Variants in COTL1 observed in about 807,000 individuals in gnomAD.
The protein encoded by COTL1 is coactosin-like protein.
COTL1 carries 15 observed loss-of-function variants against 16.5 expected under a neutral mutation model. The observed-to-expected ratio is 0.91, with a 90% CI of 0.61 to 1.40. COTL1 has a LOEUF of 1.40. COTL1 is among the 40% of genes most tolerant of loss of function. The pLI, the probability that COTL1 is intolerant of heterozygous loss-of-function variation, is 0.00. For missense variants in COTL1, 220 were observed against 201.5 expected, an observed-to-expected ratio of 1.09 and a Z score of -0.56; for synonymous variants, 112 against 85.3, an observed-to-expected ratio of 1.31 and a Z score of -1.73.
At chr16:84,577,392 G>A (rs929666598) in intron 3 of COTL1, among the ~76,000 whole-genome samples, 2 of 152,130 alleles carry the variant, frequency 1.3e-5, no homozygotes, top group Non-Finnish European at 2.9e-5. Flanking sequence ...CTACAGGCAT[G>A]CGCCATCACA....
At chr16:84,570,603 C>A (rs1435344819) in intron 3 of COTL1, among the ~76,000 whole-genome samples, 1 of 152,092 alleles carries the variant, frequency 6.6e-6, no homozygotes, top group African/African-American at 2.4e-5. Flanking sequence ...ACCATATGAT[C>A]TCTGAAAACA....
At chr16:84,599,569 T>C (rs1299073858) in intron 2 of COTL1, among the ~76,000 whole-genome samples, 1 of 152,134 alleles carries the variant, frequency 6.6e-6, no homozygotes, top group Non-Finnish European at 1.5e-5. Flanking sequence ...TTATACGTTA[T>C]CTGTGGGCCA....
chr16:84,593,709 C>T (rs1432181571), intron 2 of COTL1, among the ~76,000 whole-genome samples: 3 of 152,138 alleles, frequency 2.0e-5, no homozygotes, highest in Non-Finnish European at 2.9e-5. Context: ...GACGGGGTTT[C>T]ACCGTGGTCT....
rs899176936 is a variant in COTL1 at position 84,590,846 on chromosome 16, G to C, written c.161-584C>G. ...CACTGTAGAGAGACAGGAGGGGCAA[G>C]GGGGGTGCTGGGTATGAAGAGGAAA... On this transcript the variant is annotated intron_variant, in intron 2 of 3. Transcript: ENST00000262428. This position sits in a 1 kb window ranked among gnomAD's most constrained non-coding sequence, Gnocchi z 5.5. 6.6e-6 allele frequency among the ~76,000 whole-genome samples: 1 copy of C among 151,664 alleles called. No individual in the cohort carries two copies.
At chr16:84,594,434 G>A (rs1904947262) in intron 2 of COTL1, 1 of 152,382 alleles carries the variant, frequency 6.6e-6, no homozygotes, top group Non-Finnish European at 1.5e-5. Context: ...GACTTGGAGT[G>A]TGGGGGAGCA....
At chr16:84,592,947 C>G (rs1048682805) in intron 2 of COTL1, among the ~76,000 whole-genome samples, 3 of 152,200 alleles carry the variant, frequency 2.0e-5, no homozygotes, top group African/African-American at 7.2e-5. Context: ...GGAAACTGAT[C>G]GTCATCACCA....
At chr16:84,604,396 T>G (rs547639619) in intron 2 of COTL1, among the ~76,000 whole-genome samples, 13 of 148,796 alleles carry the variant, frequency 8.7e-5, no homozygotes, top group Non-Finnish European at 1.0e-4. Context: ...CCTCCTTTTT[T>G]CTTTATGCTT....
intron 3 of COTL1, among the ~76,000 whole-genome samples, chr16:84,572,607 C>A (rs1269939011): frequency 6.6e-6 from 1 of 152,136 alleles, no homozygotes; most frequent in Non-Finnish European, 1.5e-5. Flanking sequence ...AATACAGGCA[C>A]AAGCCACCAC....
intron 2 of COTL1, among the ~76,000 whole-genome samples, chr16:84,609,619 G>C (rs1414297612): frequency 6.6e-6 from 1 of 152,176 alleles, no homozygotes; most frequent in Non-Finnish European, 1.5e-5. Flanking sequence ...ATCTGATATG[G>C]TTTGGCTCTG....
At chr16:84,569,755 G>A (rs1418316359) in intron 3 of COTL1, among the ~76,000 whole-genome samples, 3 of 152,184 alleles carry the variant, frequency 2.0e-5, no homozygotes, top group Admixed American at 6.5e-5. Flanking sequence ...CAAGTTGGAT[G>A]TAAGAGCCAG....
chr16:84,570,049 G>A (rs1904317110), intron 3 of COTL1, among the ~76,000 whole-genome samples: 1 of 152,196 alleles, frequency 6.6e-6, no homozygotes, highest in African/African-American at 2.4e-5. Context: ...AGGCTGAGGA[G>A]AGCAGATCAT....
intron 2 of COTL1, among the ~76,000 whole-genome samples, chr16:84,599,663 C>T (rs949222045): frequency 6.6e-6 from 1 of 152,144 alleles, no homozygotes; most frequent in Non-Finnish European, 1.5e-5. Context: ...AAGGGGAGGA[C>T]AGGAGGAAGT....
At chr16:84,598,654 C>G (rs188809021) in intron 2 of COTL1, among the ~76,000 whole-genome samples, 18,300 of 72,838 alleles carry the variant, frequency 0.25, 1,618 homozygotes, top group East Asian at 0.42. Flanking sequence ...CTTCTCCCCC[C>G]CAACCCCCCC....
At chr16:84,591,327 G>A (rs1454381232) in intron 2 of COTL1, among the ~76,000 whole-genome samples, 1 of 151,702 alleles carries the variant, frequency 6.6e-6, no homozygotes, top group Admixed American at 6.6e-5. Context: ...GGGACTACAG[G>A]CGCCCACCAC....
Position 84,590,545 on chromosome 16 carries a change from G to A in COTL1, c.161-283C>T, listed in dbSNP as rs369953994. The A allele has an allele frequency of 1.1e-5, 3 of 284,256 alleles. No homozygotes were observed. The highest frequency in any genetic ancestry group is 5.0e-5 in the Admixed American group (1 of 20,044). The allele number at this position is 284,256 out of a possible 1,614,324, so 17.6% of individuals were successfully genotyped here. The stretch of plus-strand genomic sequence containing the variant: ...CACATGGCACTTTCAAGGTTGTGAG[G>A]GAATTCAAGGTCATGCTGGGATTTA... On this transcript the variant is annotated intron_variant, in intron 2 of 3. Transcript: ENST00000262428. The surrounding 1 kb of genome is among the most constrained non-coding windows in gnomAD (Gnocchi z 5.5).
chr16:84,589,347 C>T (rs966272657), intron 3 of COTL1, among the ~76,000 whole-genome samples: 2 of 152,164 alleles, frequency 1.3e-5, no homozygotes, highest in African/African-American at 4.8e-5. Context: ...AAATAATGTG[C>T]ATGGTGGAGG....
At chr16:84,598,960 GA>G (rs1905061179) in intron 2 of COTL1, among the ~76,000 whole-genome samples, 1 of 151,914 alleles carries the variant, frequency 6.6e-6, no homozygotes, top group Admixed American at 6.6e-5. Context: ...AGGGGCTAGG[GA>G]GGGGGGTAAA....
At chr16:84,598,591 G>A (rs968130193) in intron 2 of COTL1, among the ~76,000 whole-genome samples, 1 of 151,836 alleles carries the variant, frequency 6.6e-6, no homozygotes, top group Non-Finnish European at 1.5e-5. Context: ...CCTGGGTCCT[G>A]GAGGTGCCTT....
At chr16:84,615,307 C>T (rs2150698948) in intron 2 of COTL1, among the ~76,000 whole-genome samples, 1 of 152,366 alleles carries the variant, frequency 6.6e-6, no homozygotes, top group African/African-American at 2.4e-5. Flanking sequence ...ACACGCGCCA[C>T]TCCCCACTCC....
Sources: gnomAD v4.1 joint callset for allele counts (sites outside exome capture counted in the v4.1 genomes callset) on GRCh38, gnomAD v4.1.1 for gene constraint, Gnocchi (gnomAD v3.1) non-coding constraint, MANE v1.5 for transcripts, NCBI Gene and HGNC (gene_info 2026-07-23, HGNC 2026-07-21) for gene names.